FHOD1: variants seen among roughly 807,000 people sequenced by gnomAD.
The protein encoded by FHOD1 is formin homology 2 domain containing 1, also known as FH1/FH2 domain-containing protein 1.
In FHOD1, 89 loss-of-function variants were observed where a neutral mutation model predicts 111.6. That is an observed-to-expected ratio of 0.80 (90% confidence interval 0.67 to 0.95). FHOD1 has a LOEUF of 0.95. FHOD1 is among the 40% of genes least tolerant of loss of function. The pLI, the probability that FHOD1 is intolerant of heterozygous loss-of-function variation, is 0.00. For synonymous variants in FHOD1, 618 were observed against 639.0 expected (o/e 0.97, Z 0.50); for missense variants, 1,446 against 1,554.2 (o/e 0.93, Z 1.17).
rs1229291055 is a variant in FHOD1, at chr16:67,231,210, G to C, written c.2645C>G (p.Pro882Arg). 3.1e-6 allele frequency: 5 copies of C among 1,614,092 alleles called. No homozygotes were observed. In the Admixed American group the frequency reaches 6.7e-5, roughly 22 times the overall value. Residue 882 changes from proline (P) to arginine (R), a missense_variant, in exon 17 of 22, where the codon CCT (proline) becomes CGT (arginine). Pro to Arg is a moderately radical substitution (Grantham distance 103). Transcript: ENST00000258201. This position sits in a 1 kb window ranked among gnomAD's most constrained non-coding sequence, Gnocchi z 4.3. Reference sequence around the variant, plus strand: ...AACCTTGGCACAGCGGGTCAGGGCAGGGATTTCTGAATAGAGGTCAGAGGA... The same window carrying C: ...AACCTTGGCACAGCGGGTCAGGGCACGGATTTCTGAATAGAGGTCAGAGGA... ...PESSDLYSEI[P>R]ALTRCAKVDF...
chr16:67,246,125 A>C (rs2034816974), intron 1 of FHOD1, among the ~76,000 whole-genome samples: 1 of 152,200 alleles, frequency 6.6e-6, no homozygotes, highest in Admixed American at 6.5e-5. Context: ...CCCTCCCGCC[A>C]GCGCTCAGAG....
Position 67,230,303 on chromosome 16 carries a change from A to G in FHOD1, c.3051+11T>C, listed in dbSNP as rs1313912235. The G allele has an allele frequency of 6.2e-7, 1 of 1,613,946 alleles. No individual in the cohort carries two copies. Among genetic ancestry groups the G allele is most frequent in the South Asian group, 1.1e-5 (1 of 91,094 alleles). ...GTGGCAGTCAAGACTAAGACCTGGA[A>G]GGGCACCCACCTCGGTGATCATGCG... On this transcript the variant is annotated intron_variant, in intron 19 of 21. Transcript: ENST00000258201.
At chr16:67,243,257 G>C (rs1286083674) in intron 1 of FHOD1, among the ~76,000 whole-genome samples, 1 of 152,106 alleles carries the variant, frequency 6.6e-6, no homozygotes, top group African/African-American at 2.4e-5. Flanking sequence ...TGTTATCGCA[G>C]GTCTCCAACT....
intron 1 of FHOD1, among the ~76,000 whole-genome samples, chr16:67,244,464 C>T (rs1404772345): frequency 1.3e-5 from 2 of 152,122 alleles, no homozygotes; most frequent in Non-Finnish European, 2.9e-5. Flanking sequence ...TGTCAAGCTC[C>T]CTTCCACCAA....
At chr16:67,232,577 G>C (rs1428158080) in intron 13 of FHOD1, among the ~76,000 whole-genome samples, 2 of 149,334 alleles carry the variant, frequency 1.3e-5, no homozygotes, top group Admixed American at 6.7e-5. Context: ...AGCAACCTCA[G>C]AGGGCACTCC....
At chr16:67,236,911 A>G in intron 10 of FHOD1, 55 bp downstream of exon 10, 2 of 1,529,626 alleles carry the variant, frequency 1.3e-6, no homozygotes, top group Non-Finnish European at 1.8e-6. Flanking sequence ...CTGTCAGCTC[A>G]CTGGGCCATG....
At position 67,229,655 on chromosome 16, in the gene FHOD1, C is replaced by G; in HGVS notation, c.3476G>C (p.Gly1159Ala). The change falls in exon 22 of 22, where the codon GGT becomes GCT. Residue 1159 changes from glycine to alanine, a missense_variant. This residue lies in a region of FHOD1 where 1,085 missense variants were observed against 1,108.8 expected (regional missense o/e 0.98). Coordinates refer to ENST00000258201, the MANE Select transcript of FHOD1 (RefSeq NM_013241.3). ...GCACCTTCACACCTCCAGGCCAGGA[C>G]CCTTGCTTAGTCCCAGTGCCTGCAC... Reference protein sequence around the residue: ...DLVQALGLSKGPGLEV With the variant: ...DLVQALGLSKAPGLEV The G allele has an allele frequency of 1.2e-6, 2 of 1,614,184 alleles. No individual in the cohort carries two copies. The highest frequency in any genetic ancestry group is 8.5e-7 in the Non-Finnish European group (1 of 1,180,018).
Position 67,234,202 on chromosome 16 carries a change from G to C in FHOD1, c.1501C>G (p.Pro501Ala). ...CGCTGGGCCCGGAGCAGGACACAGG[G>C]GGCAGGGCTCTGGGGTGTTCTGGCT... ...PAARTPQSPA[P>A]CVLLRAQRSL... is the part of the protein sequence containing the mutation. Residue 501 changes from proline to alanine, a missense_variant, in exon 13 of 22, where the codon CCC (proline) becomes GCC (alanine). Coordinates refer to ENST00000258201, the MANE Select transcript of FHOD1 (RefSeq NM_013241.3). 1 of 1,547,512 alleles carries C rather than the reference G, an allele frequency of 6.5e-7. No homozygotes were observed. The highest frequency in any genetic ancestry group is 8.7e-7 in the Non-Finnish European group (1 of 1,145,464).
chr16:67,236,119 A>C, intron 11 of FHOD1: 29 of 800,534 alleles, frequency 3.6e-5, no homozygotes, highest in South Asian at 5.7e-5. Flanking sequence ...TGTCAGCTCC[A>C]TGGTTGCTCA....
chr16:67,230,022 A>G, intron 20 of FHOD1, 32 bp from the exon 21 acceptor site: 1 of 1,613,154 alleles, frequency 6.2e-7, no homozygotes. Flanking sequence ...AGTCAGGCCA[A>G]GGTGGCACTG....
In FHOD1 at chr16:67,230,810, G is replaced by T. The variant is rs775809499; in HGVS notation, c.2668-19C>A. 1.3e-6 allele frequency: 2 copies of T among 1,566,012 alleles called. No homozygotes were observed. Among genetic ancestry groups the T allele is most frequent in the South Asian group, 1.2e-5 (1 of 83,262 alleles). On this transcript the variant is annotated intron_variant, in intron 17 of 21. Transcript: ENST00000258201. ...AGTCCACCTGAGAAAGCAAGGGGGT[G>T]CACATACTGTCCCCCCACACCCTGT...
rs1236843952 is a variant in FHOD1, at chr16:67,231,868, G to A, written c.2203-49C>T. On this transcript the variant is annotated intron_variant, in intron 14 of 21. Coordinates refer to ENST00000258201, the MANE Select transcript of FHOD1 (RefSeq NM_013241.3). This position sits in a 1 kb window ranked among gnomAD's most constrained non-coding sequence, Gnocchi z 4.3. ...CATGGCCCCCTCAATGCAGGCCTGAGGCCTGAGGCATTGGTCTTGACCCCT... is the reference window on the plus strand; with the variant it reads ...CATGGCCCCCTCAATGCAGGCCTGAAGCCTGAGGCATTGGTCTTGACCCCT... 1 of 1,586,566 alleles carries A rather than the reference G, an allele frequency of 6.3e-7. No homozygotes were observed. The highest frequency in any genetic ancestry group is 1.1e-5 in the South Asian group (1 of 87,750).
In FHOD1 at chr16:67,233,911, A is replaced by C. The variant is rs1436365704; in HGVS notation, c.1792T>G (p.Phe598Val). 3.1e-6 allele frequency: 2 copies of C among 653,782 alleles called. No individual in the cohort carries two copies. Among genetic ancestry groups the C allele is most frequent in the African/African-American group, 4.6e-5 (1 of 21,790 alleles). 40.5% of individuals were successfully genotyped at this position (653,782 alleles called of 1,614,324 possible). A position where few individuals can be genotyped will look rare whatever the true frequency, so the allele number is the denominator to read the frequency against. The change falls in exon 13 of 22, where the codon TTC (phenylalanine) becomes GTC (valine). Residue 598 changes from phenylalanine to valine, a missense_variant. Physicochemically the swap from Phe to Val is conservative, Grantham distance 50. This residue lies in a region of FHOD1 where 1,085 missense variants were observed against 1,108.8 expected (regional missense o/e 0.98). Coordinates refer to ENST00000258201, the MANE Select transcript of FHOD1 (RefSeq NM_013241.3). ...AGAGGTAGAGGTGGAGGTGGTGGGA[A>C]GGGGCCTTTGATGGGTGGGGGAGGT... ...LPPPPPIKGP[F>V]PPPPPLPLAA...
rs201129113 is a variant in FHOD1, at chr16:67,230,217, G to A, written c.3063C>T (p.Phe1021=). 1 of 1,614,006 alleles carries A rather than the reference G, an allele frequency of 6.2e-7. No individual in the cohort carries two copies. Among genetic ancestry groups the A allele is most frequent in the Non-Finnish European group, 8.5e-7 (1 of 1,179,898 alleles). Residue 1021 remains phenylalanine (F), a synonymous_variant, in exon 20 of 22, where the codon TTC becomes TTT. Transcript: ENST00000258201. The stretch of plus-strand genomic sequence containing the variant: ...TGGGGGCTTCCCCAGCCACACCTGA[G>A]AACTTCTCTGTCTGGAGAAAGAAGA... ...RGRMITETEK[F]SGVAGEAPSN...
chr16:67,243,005 CTATTA>C (rs1315780218), intron 1 of FHOD1, among the ~76,000 whole-genome samples: 1 of 151,342 alleles, frequency 6.6e-6, no homozygotes, highest in African/African-American at 2.4e-5. Flanking sequence ...TTACATATAT[CTATTA>C]TATATTTTAT....
intron 1 of FHOD1, among the ~76,000 whole-genome samples, chr16:67,240,456 G>A (rs1430510472): frequency 6.6e-6 from 1 of 152,196 alleles, no homozygotes; most frequent in Non-Finnish European, 1.5e-5. Context: ...TTGAATCCAG[G>A]AGGCAGACAT....
chr16:67,242,834 G>C (rs1371994037), intron 1 of FHOD1, among the ~76,000 whole-genome samples: 1 of 152,024 alleles, frequency 6.6e-6, no homozygotes, highest in East Asian at 1.9e-4. Context: ...TATATGCAGG[G>C]TCAAGCCCAG....
intron 1 of FHOD1, among the ~76,000 whole-genome samples, chr16:67,239,691 T>C (rs1448416806): frequency 6.6e-6 from 1 of 152,234 alleles, no homozygotes; most frequent in African/African-American, 2.4e-5. Context: ...GGCTGATACC[T>C]ACCTATTCTT....
chr16:67,234,376 A>C lies in FHOD1; in HGVS notation c.1416T>G (p.Asn472Lys). 1 of 1,610,974 alleles carries C rather than the reference A, an allele frequency of 6.2e-7. No individual in the cohort carries two copies. The highest frequency in any genetic ancestry group is 1.1e-5 in the South Asian group (1 of 90,996). Residue 472 changes from asparagine to lysine, a missense_variant, in exon 12 of 22, where the codon AAT (asparagine) becomes AAG (lysine). Physicochemically the swap from Asn to Lys is moderately conservative, Grantham distance 94 (BLOSUM62 0). Transcript: ENST00000258201. ...ACTCACCTGGGTGTCCACCCGCCTCATTGGGCATGGCCCCGGCAAGTGTCT... is the reference window on the plus strand; with the variant it reads ...ACTCACCTGGGTGTCCACCCGCCTCCTTGGGCATGGCCCCGGCAAGTGTCT... ...RAETLAGAMP[N>K]EAGGHPDARQ...
Sources: allele counts gnomAD v4.1 joint callset (sites outside exome capture counted in the v4.1 genomes callset), GRCh38; gene constraint gnomAD v4.1.1; regional missense constraint gnomAD v4.1.1; non-coding constraint Gnocchi (gnomAD v3.1); transcripts MANE v1.5; gene names NCBI Gene and HGNC (gene_info 2026-07-23, HGNC 2026-07-21).